The following TAFA1 variants were observed in gnomAD, a reference collection of about 807,000 sequenced individuals.
TAFA1 encodes TAFA chemokine like family member 1, also known as chemokine-like protein TAFA-1.
Under a neutral mutation model 18.5 loss-of-function variants are expected in TAFA1, and 4 were observed. The ratio of observed to expected loss-of-function variants is 0.22; its 90% CI spans 0.11 to 0.49. The LOEUF (loss-of-function observed/expected upper bound fraction) is 0.49. TAFA1 is among the 20% of genes least tolerant of loss of function. The pLI, the probability that TAFA1 is intolerant of heterozygous loss-of-function variation, is 0.98. For missense variants in TAFA1, 147 were observed against 169.0 expected, an observed-to-expected ratio of 0.87 and a Z score of 0.72; for synonymous variants, 56 against 55.2, an observed-to-expected ratio of 1.01 and a Z score of -0.06.
At chr3:68,168,982 T>C (rs2066018539) in intron 2 of TAFA1, among the ~76,000 whole-genome samples, 1 of 152,224 alleles carries the variant, frequency 6.6e-6, no homozygotes, top group South Asian at 2.1e-4. Context: ...CCTCTGGAAA[T>C]AAATTTGCTA....
intron 2 of TAFA1, among the ~76,000 whole-genome samples, chr3:68,379,981 C>G (rs982388972): frequency 6.6e-6 from 1 of 151,008 alleles, no homozygotes; most frequent in Non-Finnish European, 1.5e-5. Context: ...GTGTTCTAAT[C>G]GTTCAACTCC....
intron 3 of TAFA1, among the ~76,000 whole-genome samples, chr3:68,522,912 CT>C: frequency 6.6e-6 from 1 of 152,096 alleles, no homozygotes; most frequent in Non-Finnish European, 1.5e-5. Flanking sequence ...CCCAACTCTA[CT>C]AAAAATACAA....
At chr3:68,365,792 A>T (rs1029267097) in intron 2 of TAFA1, among the ~76,000 whole-genome samples, 31 of 152,164 alleles carry the variant, frequency 2.0e-4, no homozygotes, top group African/African-American at 7.2e-4. Context: ...TTCCCCTTAT[A>T]AAACCATCAG....
chr3:68,401,774 C>T lies in TAFA1; in HGVS notation c.119-15506C>T, dbSNP rs565930804. Among the ~76,000 whole-genome samples, 4 of 152,238 alleles carry T rather than the reference C, an allele frequency of 2.6e-5. No individual in the cohort carries two copies. In the East Asian group the frequency reaches 7.8e-4, roughly 30 times the overall value. The stretch of plus-strand genomic sequence containing the variant: ...CATTACCAGTCTTCAGTCTTGTGCC[C>T]TCTCTTGGAGCAGGGGGTGAAATCA... On this transcript the variant is annotated intron_variant, in intron 2 of 4. Transcript: ENST00000478136.
intron 3 of TAFA1, among the ~76,000 whole-genome samples, chr3:68,443,473 CAAAAAAAA>C (rs56944130): frequency 2.1e-5 from 2 of 96,122 alleles, no homozygotes; most frequent in East Asian, 2.4e-4. Context: ...GGGCAATTTA[CAAAAAAAA>C]AAAAAAAAAA....
chr3:68,117,808 A>G (rs2065342147), intron 2 of TAFA1, among the ~76,000 whole-genome samples: 1 of 152,196 alleles, frequency 6.6e-6, no homozygotes, highest in African/African-American at 2.4e-5. Flanking sequence ...ATTACCTTTG[A>G]TCTTTATGTG....
At chr3:68,067,194 T>C (rs2064689157) in intron 2 of TAFA1, among the ~76,000 whole-genome samples, 1 of 152,210 alleles carries the variant, frequency 6.6e-6, no homozygotes, top group African/African-American at 2.4e-5. Flanking sequence ...ATCTACATTT[T>C]GGTCCTTGTT....
intron 2 of TAFA1, among the ~76,000 whole-genome samples, chr3:68,277,778 C>T (rs1237357892): frequency 6.6e-6 from 1 of 152,122 alleles, no homozygotes; most frequent in South Asian, 2.1e-4. Flanking sequence ...GAGAGATACG[C>T]ACAAAAGCAT....
chr3:68,440,241 T>C (rs933213848), intron 3 of TAFA1, among the ~76,000 whole-genome samples: 42 of 152,298 alleles, frequency 2.8e-4, no homozygotes, highest in African/African-American at 1.0e-3. Context: ...TCTGTCACCA[T>C]GTGAAACATG....
intron 2 of TAFA1, among the ~76,000 whole-genome samples, chr3:68,169,089 A>C (rs1038337566): frequency 6.6e-6 from 1 of 152,216 alleles, no homozygotes; most frequent in East Asian, 1.9e-4. Context: ...GATGTTCCCA[A>C]ACGATTTATG....
At chr3:68,080,040 T>A (rs2106771574) in intron 2 of TAFA1, among the ~76,000 whole-genome samples, 1 of 152,276 alleles carries the variant, frequency 6.6e-6, no homozygotes, top group East Asian at 1.9e-4. Context: ...GCTCTTCTTG[T>A]TGAATTGATC....
At chr3:68,354,293 G>T (rs2069324322) in intron 2 of TAFA1, among the ~76,000 whole-genome samples, 1 of 151,852 alleles carries the variant, frequency 6.6e-6, no homozygotes, top group African/African-American at 2.4e-5. Context: ...CACTTCCTTT[G>T]AAAGCTCAGG....
chr3:68,484,283 A>G (rs75407730), intron 3 of TAFA1, among the ~76,000 whole-genome samples: 3,412 of 152,302 alleles, frequency 0.022, 92 homozygotes, highest in African/African-American at 0.066. Context: ...CCTAGTGGTT[A>G]CCATGTTGAA....
At chr3:68,509,445 C>G (rs765745760) in intron 3 of TAFA1, among the ~76,000 whole-genome samples, 3 of 152,076 alleles carry the variant, frequency 2.0e-5, no homozygotes, top group Non-Finnish European at 4.4e-5. Context: ...TTCCACTCTT[C>G]CACTAGGTTA....
intron 2 of TAFA1, among the ~76,000 whole-genome samples, chr3:68,186,937 T>C (rs758219125): frequency 6.6e-6 from 1 of 151,908 alleles, no homozygotes; most frequent in Non-Finnish European, 1.5e-5. Context: ...CTTATCTCTG[T>C]GGGTAATTAG....
chr3:68,229,696 C>A (rs1350768803), intron 2 of TAFA1, among the ~76,000 whole-genome samples: 1 of 152,184 alleles, frequency 6.6e-6, no homozygotes, highest in Non-Finnish European at 1.5e-5. Context: ...AAATTGTGAT[C>A]ATTGTCATAT....
chr3:68,102,903 G>T (rs1169184456), intron 2 of TAFA1, among the ~76,000 whole-genome samples: 1 of 152,168 alleles, frequency 6.6e-6, no homozygotes, highest in Middle Eastern at 3.2e-3. Context: ...TGTCCATCCA[G>T]AACCAGTGTC....
At chr3:68,414,703 G>A (rs1307854794) in intron 2 of TAFA1, among the ~76,000 whole-genome samples, 2 of 152,190 alleles carry the variant, frequency 1.3e-5, no homozygotes, top group Non-Finnish European at 2.9e-5. Context: ...ACAGTGCCAT[G>A]AGGGACAGGC....
At chr3:68,005,173 G>A (rs1321706348) in intron 1 of TAFA1, among the ~76,000 whole-genome samples, 1 of 152,196 alleles carries the variant, frequency 6.6e-6, no homozygotes, top group South Asian at 2.1e-4. Context: ...TTCATTTTAG[G>A]TTTCACAGGA....
Sources: allele counts gnomAD v4.1 joint callset (sites outside exome capture counted in the v4.1 genomes callset), GRCh38; gene constraint gnomAD v4.1.1; transcripts MANE v1.5; gene names NCBI Gene and HGNC (gene_info 2026-07-23, HGNC 2026-07-21).